Variants in SLC2A13 observed in about 807,000 individuals in gnomAD.
SLC2A13 encodes proton myo-inositol cotransporter.
Under a neutral mutation model 64.4 loss-of-function variants are expected in SLC2A13, and 32 were observed. That is an observed-to-expected ratio of 0.50 (90% CI 0.37 to 0.67). The LOEUF is 0.67. Among genes scored for constraint, SLC2A13 ranks in the 30% least tolerant of loss-of-function variants. SLC2A13 has a pLI of 0.00. For synonymous variants in SLC2A13, 338 were observed against 327.1 expected (o/e 1.03, Z -0.36); for missense variants, 743 against 829.2 (o/e 0.90, Z 1.28).
intron 2 of SLC2A13, among the ~76,000 whole-genome samples, chr12:40,044,513 T>C (rs1218360431): frequency 6.6e-6 from 1 of 152,172 alleles, no homozygotes; most frequent in Non-Finnish European, 1.5e-5. Context: ...AAAAATCAAA[T>C]CTTTAACAAT....
intron 7 of SLC2A13, among the ~76,000 whole-genome samples, chr12:39,822,815 T>G (rs993161071): frequency 6.6e-6 from 1 of 152,214 alleles, no homozygotes; most frequent in Non-Finnish European, 1.5e-5. Context: ...GAAAGGTAGT[T>G]AAATATATTA....
chr12:40,050,443 T>C (rs758063382), intron 1 of SLC2A13, among the ~76,000 whole-genome samples: 4 of 152,178 alleles, frequency 2.6e-5, no homozygotes, highest in Admixed American at 6.5e-5. Context: ...GCTTTGAAAG[T>C]AATACGTACT....
intron 3 of SLC2A13, among the ~76,000 whole-genome samples, chr12:40,017,570 G>A (rs1947640265): frequency 6.6e-6 from 1 of 152,120 alleles, no homozygotes; most frequent in Admixed American, 6.5e-5. Context: ...TCAAGGCAAG[G>A]GAGCTAAGAT....
At chr12:39,771,256 G>A (rs184069113) in intron 7 of SLC2A13, among the ~76,000 whole-genome samples, 2 of 152,156 alleles carry the variant, frequency 1.3e-5, no homozygotes, top group East Asian at 3.9e-4. Flanking sequence ...TGGAGTGTGG[G>A]AGTGACCTTG....
chr12:39,933,633 G>T (rs887617791), intron 4 of SLC2A13, among the ~76,000 whole-genome samples: 1 of 152,082 alleles, frequency 6.6e-6, no homozygotes, highest in African/African-American at 2.4e-5. Context: ...AATATCCTGT[G>T]GTCTCCTGTG....
chr12:40,015,065 G>T (rs1947600881), intron 3 of SLC2A13, among the ~76,000 whole-genome samples: 1 of 151,644 alleles, frequency 6.6e-6, no homozygotes, highest in Admixed American at 6.6e-5. Context: ...ATTTTTAAAG[G>T]GTCTATTTCT....
rs368115587 is a variant in SLC2A13 at position 39,812,734 on chromosome 12, A to T, written c.1445+17369T>A. Among the ~76,000 whole-genome samples the T allele has an allele frequency of 8.1e-4, 120 of 147,826 alleles. No homozygotes were observed. The South Asian group carries it at 0.02, about 25-fold the overall frequency. On this transcript the variant is annotated intron_variant, in intron 7 of 9. Transcript: ENST00000280871. ...TGATCCACCTGCCTCAGCCTCCCAA[A>T]CTGCTGGGATTACGGGCGTGAGTCA...
intron 7 of SLC2A13, among the ~76,000 whole-genome samples, chr12:39,784,406 G>A (rs143565334): frequency 1.3e-5 from 2 of 152,054 alleles, no homozygotes; most frequent in African/African-American, 2.4e-5. Context: ...AACAGAGCCC[G>A]CAGAAATAAT....
chr12:40,073,578 A>G (rs1318657959), intron 1 of SLC2A13, among the ~76,000 whole-genome samples: 1 of 152,030 alleles, frequency 6.6e-6, no homozygotes, highest in Non-Finnish European at 1.5e-5. Flanking sequence ...TGGCAAGTCT[A>G]CTGGCAACAA....
At chr12:40,017,343 T>G (rs1299998838) in intron 3 of SLC2A13, among the ~76,000 whole-genome samples, 1 of 152,186 alleles carries the variant, frequency 6.6e-6, no homozygotes, top group Non-Finnish European at 1.5e-5. Flanking sequence ...AGGAAGGCAC[T>G]CTGCCCTCTC....
intron 7 of SLC2A13, among the ~76,000 whole-genome samples, chr12:39,804,491 T>C (rs1941902753): frequency 6.6e-6 from 1 of 152,220 alleles, no homozygotes; most frequent in Non-Finnish European, 1.5e-5. Flanking sequence ...AACCAATTTA[T>C]TTACTGTACT....
intron 2 of SLC2A13, among the ~76,000 whole-genome samples, chr12:40,044,026 C>T (rs1241512095): frequency 6.6e-6 from 1 of 152,146 alleles, no homozygotes; most frequent in Non-Finnish European, 1.5e-5. Flanking sequence ...TTATGTCTAT[C>T]CTAAAATTTG....
rs573523843 is a variant in SLC2A13 at position 40,060,985 on chromosome 12, C to A, written c.557-12775G>T. ...AAGAAAGTTAATGTGCTTTAAGTTG[C>A]ATATATTATTCAGAATAAAGATAAA... On this transcript the variant is annotated intron_variant, in intron 1 of 9. Transcript: ENST00000280871. Among the ~76,000 whole-genome samples, 145 of 152,160 alleles carry A rather than the reference C, an allele frequency of 9.5e-4. 1 individual carries two copies. Among genetic ancestry groups the A allele is most frequent in the African/African-American group, 3.2e-3 (132 of 41,526 alleles).
chr12:39,800,065 T>C (rs1026663302), intron 7 of SLC2A13, among the ~76,000 whole-genome samples: 2 of 152,190 alleles, frequency 1.3e-5, no homozygotes, highest in Non-Finnish European at 2.9e-5. Context: ...GTAATGTTTA[T>C]TGTGATAGCT....
chr12:39,758,381 A>T lies in SLC2A13; in HGVS notation c.*1645T>A, dbSNP rs1940026169. 1 of 151,838 alleles carries T rather than the reference A, an allele frequency of 6.6e-6. No individual in the cohort carries two copies. The highest frequency in any genetic ancestry group is 2.4e-5 in the African/African-American group (1 of 41,378). 9.4% of individuals were successfully genotyped at this position (151,838 alleles called of 1,614,324 possible). On this transcript the variant is annotated 3_prime_UTR_variant, in exon 10 of 10. Coordinates refer to ENST00000280871, the MANE Select transcript of SLC2A13 (RefSeq NM_052885.4). Reference sequence around the variant, plus strand: ...ATTAAAAGAATAGAGTATCTTGGAGACTGGAAGAAATATTTTGAATATGGA... The same window carrying T: ...ATTAAAAGAATAGAGTATCTTGGAGTCTGGAAGAAATATTTTGAATATGGA...
rs561711902 is a variant in SLC2A13, at chr12:39,773,532, C to G, written c.1446-8674G>C. On this transcript the variant is annotated intron_variant, in intron 7 of 9. Transcript: ENST00000280871. ...CTATTTCTGCCTTTTAAAATGTTAC[C>G]TCTCCATCATTTATCTTTAGAGTTT... is the stretch of plus-strand genomic sequence containing the variant. Among the ~76,000 whole-genome samples, 4 of 152,288 alleles carry G rather than the reference C, an allele frequency of 2.6e-5. No individual in the cohort carries two copies. The East Asian group carries it at 7.7e-4, about 29-fold the overall frequency.
At chr12:40,100,362 A>T (rs772532375) in intron 1 of SLC2A13, among the ~76,000 whole-genome samples, 7 of 152,228 alleles carry the variant, frequency 4.6e-5, no homozygotes, top group African/African-American at 7.2e-5. Context: ...CTAAATCACC[A>T]CTTATAATAA....
intron 6 of SLC2A13, among the ~76,000 whole-genome samples, chr12:39,857,549 A>C (rs531169473): frequency 2.6e-5 from 4 of 152,272 alleles, no homozygotes; most frequent in Admixed American, 1.3e-4. Context: ...AAGTTCTTTT[A>C]ACCTTTCTCC....
At chr12:39,785,112 G>A (rs768119998) in intron 7 of SLC2A13, among the ~76,000 whole-genome samples, 3 of 152,318 alleles carry the variant, frequency 2.0e-5, no homozygotes, top group Admixed American at 6.5e-5. Flanking sequence ...GGGGCCTAAT[G>A]TGAATCCCCA....
Sources: allele counts gnomAD v4.1 joint callset (sites outside exome capture counted in the v4.1 genomes callset), GRCh38; gene constraint gnomAD v4.1.1; transcripts MANE v1.5; gene names NCBI Gene and HGNC (gene_info 2026-07-23, HGNC 2026-07-21).